STAG1: variants seen among roughly 807,000 people sequenced by gnomAD.
The protein encoded by STAG1 is cohesin subunit SA-1.
In STAG1, 26 loss-of-function variants were observed where a neutral mutation model predicts 170.9. The observed-to-expected ratio is 0.15, with a 90% CI of 0.11 to 0.21. The LOEUF (loss-of-function observed/expected upper bound fraction) is 0.21. Ranked by LOEUF, STAG1 falls within the 10% of genes least tolerant of loss-of-function variation. STAG1 has a pLI of 1.00. For synonymous variants in STAG1, 514 were observed against 497.7 expected (o/e 1.03, Z -0.44); for missense variants, 964 against 1,509.5 (o/e 0.64, Z 5.99).
At chr3:136,443,710 AG>A (rs1452222261) in intron 14 of STAG1, among the ~76,000 whole-genome samples, 1 of 152,198 alleles carries the variant, frequency 6.6e-6, no homozygotes. Flanking sequence ...TGCTGGATCT[AG>A]GTCACTTTTC....
At position 136,401,739 on chromosome 3, in the gene STAG1, C is replaced by T. The variant is rs138847718; in HGVS notation, c.2197-2910G>A. Among the ~76,000 whole-genome samples the T allele has an allele frequency of 3.4e-4, 51 of 152,100 alleles. No homozygotes were observed. The East Asian group carries it at 5.8e-3, about 17-fold the overall frequency. ...TTTTTGAATAAACGATGTATCTTTT[C>T]GCAATAAAGCATACCTAATATTGAT... On this transcript the variant is annotated intron_variant, in intron 21 of 33. Transcript: ENST00000383202.
At chr3:136,675,230 T>A (rs1167824998) in intron 1 of STAG1, among the ~76,000 whole-genome samples, 2 of 152,200 alleles carry the variant, frequency 1.3e-5, no homozygotes, top group Non-Finnish European at 2.9e-5. Context: ...CCATTTGGCA[T>A]TGTCCAACCA....
intron 9 of STAG1, among the ~76,000 whole-genome samples, chr3:136,483,551 T>C (rs1298158340): frequency 6.8e-5 from 1 of 14,616 alleles, no homozygotes; most frequent in Non-Finnish European, 1.2e-4. Context: ...CTGACAATTA[T>C]GTGTCTTGGA....
chr3:136,386,109 A>T (rs1022365442), intron 22 of STAG1, among the ~76,000 whole-genome samples: 2 of 152,146 alleles, frequency 1.3e-5, no homozygotes, highest in African/African-American at 2.4e-5. Context: ...AGGCCGAGGC[A>T]GGCGGATCAC....
chr3:136,521,648 AT>A (rs1934680938), intron 6 of STAG1, among the ~76,000 whole-genome samples: 1 of 152,100 alleles, frequency 6.6e-6, no homozygotes, highest in South Asian at 2.1e-4. Flanking sequence ...CATCTACTTT[AT>A]TGTTCTAAGT....
chr3:136,382,018 C>T (rs921278990), intron 22 of STAG1, among the ~76,000 whole-genome samples: 1 of 152,130 alleles, frequency 6.6e-6, no homozygotes, highest in Non-Finnish European at 1.5e-5. Context: ...TAAATAGTTA[C>T]TCAATGAAAT....
At chr3:136,576,353 C>CT (rs2107772307) in intron 4 of STAG1, among the ~76,000 whole-genome samples, 1 of 152,214 alleles carries the variant, frequency 6.6e-6, no homozygotes, top group Admixed American at 6.5e-5. Flanking sequence ...CACTAATAGG[C>CT]TTGAATGTCC....
At chr3:136,478,144 C>T (rs982188890) in intron 9 of STAG1, among the ~76,000 whole-genome samples, 1 of 152,076 alleles carries the variant, frequency 6.6e-6, no homozygotes, top group Non-Finnish European at 1.5e-5. Context: ...AAGAAAAAGC[C>T]CACTTTATTC....
At chr3:136,662,701 C>T (rs1342137718) in intron 1 of STAG1, among the ~76,000 whole-genome samples, 2 of 152,084 alleles carry the variant, frequency 1.3e-5, no homozygotes, top group African/African-American at 2.4e-5. Context: ...TGCCTCAGCC[C>T]CCCAAAGTAC....
intron 14 of STAG1, among the ~76,000 whole-genome samples, chr3:136,448,854 G>A (rs1484798096): frequency 2.0e-5 from 3 of 151,618 alleles, no homozygotes; most frequent in South Asian, 2.1e-4. Flanking sequence ...CAGGAGAATC[G>A]CTTGAACCCA....
Position 136,589,855 on chromosome 3 carries a change from C to T in STAG1, c.297+14454G>A, listed in dbSNP as rs374080306. 4.1e-4 allele frequency among the ~76,000 whole-genome samples: 62 copies of T among 151,716 alleles called. No individual in the cohort carries two copies. The East Asian group carries it at 9.3e-3, about 23-fold the overall frequency. ...CTGAGGCAGGAGGATCGCCTGAATCCGGGAGGCGGAAGTTGCAGTGAACCG... is the reference window on the plus strand; with the variant it reads ...CTGAGGCAGGAGGATCGCCTGAATCTGGGAGGCGGAAGTTGCAGTGAACCG... On this transcript the variant is annotated intron_variant, in intron 4 of 33. Transcript: ENST00000383202.
intron 4 of STAG1, among the ~76,000 whole-genome samples, chr3:136,598,422 C>T (rs1465930051): frequency 6.9e-6 from 1 of 145,970 alleles, no homozygotes; most frequent in African/African-American, 2.5e-5. Context: ...TTAATACAAC[C>T]TTTTTTTTTT....
chr3:136,583,062 A>C (rs1472698613), intron 4 of STAG1, among the ~76,000 whole-genome samples: 1 of 152,192 alleles, frequency 6.6e-6, no homozygotes, highest in Non-Finnish European at 1.5e-5. Context: ...ACAAAATATA[A>C]TGGTATCAAC....
intron 22 of STAG1, among the ~76,000 whole-genome samples, chr3:136,382,693 G>A (rs987231944): frequency 1.3e-5 from 2 of 152,120 alleles, no homozygotes; most frequent in African/African-American, 4.8e-5. Context: ...TTAGAGGCAT[G>A]AGCCACCACG....
intron 1 of STAG1, among the ~76,000 whole-genome samples, chr3:136,641,369 T>C (rs1940793710): frequency 6.6e-6 from 1 of 152,072 alleles, no homozygotes; most frequent in Non-Finnish European, 1.5e-5. Flanking sequence ...GGAAACTAAT[T>C]ATAAAGAGGA....
At chr3:136,539,904 C>T (rs1188929175) in intron 6 of STAG1, among the ~76,000 whole-genome samples, 2 of 152,128 alleles carry the variant, frequency 1.3e-5, no homozygotes, top group Non-Finnish European at 2.9e-5. Flanking sequence ...CAAACTAACT[C>T]ATCTCACCTT....
In STAG1 at chr3:136,398,788, A is replaced by G; in HGVS notation, c.2238T>C (p.Leu746=). Reference sequence around the variant, plus strand: ...CATCAGTAATTTTCACCAACTGCCAAAGAATCGAATAATGGGAACACTGCA... The same window carrying G: ...CATCAGTAATTTTCACCAACTGCCAGAGAATCGAATAATGGGAACACTGCA... ...QALQCSHYSI[L]WQLVKITDGS... Residue 746 remains leucine, a synonymous_variant, in exon 22 of 34, where the codon CTT becomes CTC. Coordinates refer to ENST00000383202, the MANE Select transcript of STAG1 (RefSeq NM_005862.3). 1 of 1,605,002 alleles carries G rather than the reference A, an allele frequency of 6.2e-7. No homozygotes were observed. Among genetic ancestry groups the G allele is most frequent in the Non-Finnish European group, 8.5e-7 (1 of 1,175,040 alleles).
intron 1 of STAG1, among the ~76,000 whole-genome samples, chr3:136,670,416 T>A (rs1941940449): frequency 6.6e-6 from 1 of 152,174 alleles, no homozygotes; most frequent in African/African-American, 2.4e-5. Context: ...GAAAGTACAA[T>A]CATTTTATAA....
chr3:136,414,851 T>C (rs1019527195), intron 21 of STAG1, among the ~76,000 whole-genome samples: 33 of 152,116 alleles, frequency 2.2e-4, no homozygotes, highest in East Asian at 3.9e-4. Context: ...TTAAGGAACA[T>C]TGTAGAGTTA....
Sources: allele counts gnomAD v4.1 joint callset (sites outside exome capture counted in the v4.1 genomes callset), GRCh38; gene constraint gnomAD v4.1.1; transcripts MANE v1.5; gene names NCBI Gene and HGNC (gene_info 2026-07-23, HGNC 2026-07-21).